AK5: variants seen among roughly 807,000 people sequenced by gnomAD.
The protein encoded by AK5 is adenylate kinase isoenzyme 5.
A neutral mutation model predicts 69.5 loss-of-function variants in AK5; 27 were observed. That is an observed-to-expected ratio of 0.39 (90% CI 0.29 to 0.54). AK5 has a LOEUF of 0.54. Among genes scored for constraint, AK5 ranks in the 20% least tolerant of loss-of-function variants. The pLI is 0.71. For synonymous variants in AK5, 260 were observed against 244.4 expected (o/e 1.06, Z -0.60); for missense variants, 531 against 700.4 (o/e 0.76, Z 2.73).
At chr1:77,282,666 G>A in intron 1 of AK5, 1 of 1,171,394 alleles carries the variant, frequency 8.5e-7, no homozygotes, top group Non-Finnish European at 1.1e-6. Context: ...GGACACCCAG[G>A]GTGGGCTGCA....
At chr1:77,535,563 A>G (rs1291112510) in intron 12 of AK5, among the ~76,000 whole-genome samples, 1 of 152,180 alleles carries the variant, frequency 6.6e-6, no homozygotes, top group African/African-American at 2.4e-5. Flanking sequence ...TTCTCAGTGC[A>G]GAAGAAGACA....
intron 8 of AK5, among the ~76,000 whole-genome samples, chr1:77,455,214 G>T (rs189004876): frequency 6.6e-6 from 1 of 152,308 alleles, no homozygotes; most frequent in Admixed American, 6.5e-5. Flanking sequence ...CTTCAAAACT[G>T]CTGTAATCTG....
intron 6 of AK5, among the ~76,000 whole-genome samples, chr1:77,364,985 A>T (rs919365009): frequency 6.6e-6 from 1 of 152,130 alleles, no homozygotes; most frequent in Non-Finnish European, 1.5e-5. Context: ...TACATTCCCA[A>T]CAACAGTGTA....
chr1:77,441,061 T>C (rs945913720), intron 8 of AK5, among the ~76,000 whole-genome samples: 12 of 152,244 alleles, frequency 7.9e-5, no homozygotes, highest in African/African-American at 2.4e-4. Flanking sequence ...AGGTTCTTTG[T>C]TCTGCTTGAT....
intron 7 of AK5, among the ~76,000 whole-genome samples, chr1:77,414,351 G>A (rs1317221241): frequency 3.9e-5 from 6 of 152,210 alleles, no homozygotes; most frequent in Non-Finnish European, 5.9e-5. Context: ...TTTTATTTAC[G>A]GACACCCTTC....
At chr1:77,400,172 C>T (rs1287791314) in intron 6 of AK5, among the ~76,000 whole-genome samples, 1 of 152,142 alleles carries the variant, frequency 6.6e-6, no homozygotes, top group Non-Finnish European at 1.5e-5. Context: ...CTTGGGGGTC[C>T]ATCCTAAGAC....
chr1:77,468,175 T>C (rs1399044361), intron 8 of AK5, among the ~76,000 whole-genome samples: 1 of 152,250 alleles, frequency 6.6e-6, no homozygotes, highest in African/African-American at 2.4e-5. Flanking sequence ...ACTGATACCA[T>C]TGAAGCAGCA....
intron 5 of AK5, among the ~76,000 whole-genome samples, chr1:77,313,061 T>G (rs1263396974): frequency 6.6e-6 from 1 of 152,158 alleles, no homozygotes; most frequent in Non-Finnish European, 1.5e-5. Context: ...AGACACTGAT[T>G]GATGTTAAAC....
chr1:77,367,576 TA>T (rs1557532707), intron 6 of AK5, among the ~76,000 whole-genome samples: 6 of 11,250 alleles, frequency 5.3e-4, no homozygotes, highest in South Asian at 3.2e-3. Context: ...TATATATATA[TA>T]TAATATATAT....
chr1:77,399,071 A>C (rs1649022800), intron 6 of AK5, among the ~76,000 whole-genome samples: 1 of 152,172 alleles, frequency 6.6e-6, no homozygotes. Flanking sequence ...TATTTACTAC[A>C]TTGGGGTTTA....
intron 10 of AK5, among the ~76,000 whole-genome samples, chr1:77,506,429 G>A (rs533998799): frequency 7.9e-5 from 12 of 152,194 alleles, no homozygotes; most frequent in African/African-American, 2.6e-4. Flanking sequence ...GCTGTGAGCT[G>A]TAGGAGGTCA....
chr1:77,500,862 T>C (rs956389149), intron 10 of AK5, among the ~76,000 whole-genome samples: 8 of 121,484 alleles, frequency 6.6e-5, no homozygotes, highest in African/African-American at 2.9e-4. Flanking sequence ...AAGTTCGTTT[T>C]TTGTTTTGTT....
intron 8 of AK5, among the ~76,000 whole-genome samples, chr1:77,475,195 ATG>A (rs756205351): frequency 0.068 from 1,954 of 28,782 alleles, 16 homozygotes; most frequent in Admixed American, 0.088. Context: ...ATATATATAT[ATG>A]TGTGTGTGTG....
At chr1:77,491,038 T>A (rs74090617) in intron 10 of AK5, among the ~76,000 whole-genome samples, 7,120 of 152,202 alleles carry the variant, frequency 0.047, 346 homozygotes, top group East Asian at 0.2. Flanking sequence ...TCAATGTGTC[T>A]GGGACACACG....
At chr1:77,475,398 A>AC (rs201819254) in intron 8 of AK5, among the ~76,000 whole-genome samples, 3,348 of 41,066 alleles carry the variant, frequency 0.082, 244 homozygotes, top group East Asian at 0.52. Flanking sequence ...GTATATATAT[A>AC]ATATATATGT....
chr1:77,492,991 C>G (rs1656085703), intron 10 of AK5, among the ~76,000 whole-genome samples: 1 of 152,160 alleles, frequency 6.6e-6, no homozygotes, highest in African/African-American at 2.4e-5. Flanking sequence ...AAAACCCAGA[C>G]TGGATTTGAT....
In AK5 at chr1:77,297,429, C is replaced by T. The variant is rs1317568943; in HGVS notation, c.416-130C>T. The stretch of plus-strand genomic sequence containing the variant: ...ACATTCAAAGGCAGCACTGAGAATG[C>T]CACAAATGGAACTGTTAACCACCCT... On this transcript the variant is annotated intron_variant, in intron 3 of 13. Transcript: ENST00000354567. 8.1e-6 allele frequency: 6 copies of T among 740,612 alleles called. No homozygotes were observed. The Admixed American group carries it at 1.8e-4, about 22-fold the overall frequency. The allele number at this position is 740,612 out of a possible 1,614,324, so 45.9% of individuals were successfully genotyped here.
At chr1:77,480,510 C>T (rs1026457821) in intron 8 of AK5, among the ~76,000 whole-genome samples, 23 of 152,120 alleles carry the variant, frequency 1.5e-4, no homozygotes, top group Non-Finnish European at 1.8e-4. Flanking sequence ...ACATTAACCA[C>T]GATCAGACTC....
intron 8 of AK5, among the ~76,000 whole-genome samples, chr1:77,474,713 T>C (rs1263516441): frequency 6.6e-6 from 1 of 152,234 alleles, no homozygotes; most frequent in Non-Finnish European, 1.5e-5. Context: ...TACTTCCTTC[T>C]TAAAGAAAGG....
Sources: gnomAD v4.1 joint callset for allele counts (sites outside exome capture counted in the v4.1 genomes callset) on GRCh38, gnomAD v4.1.1 for gene constraint, MANE v1.5 for transcripts, NCBI Gene and HGNC (gene_info 2026-07-23, HGNC 2026-07-21) for gene names.